Variants in SNX32 observed in about 807,000 individuals in gnomAD.
The protein encoded by SNX32 is sorting nexin-32.
SNX32 carries 58 observed loss-of-function variants against 57.0 expected under a neutral mutation model. That is an observed-to-expected ratio of 1.02 (90% CI 0.82 to 1.27). SNX32 has a LOEUF of 1.27. SNX32 is among the 50% of genes most tolerant of loss of function. The probability of loss-of-function intolerance (pLI) is 0.00; values close to 1 mark genes in which losing one functional copy is unlikely to be tolerated. For missense variants in SNX32, 589 were observed against 541.2 expected (o/e 1.09, Z -0.88); for synonymous variants, 262 against 220.4 (o/e 1.19, Z -1.67).
chr11:65,839,419 C>A (rs1288138406), intron 1 of SNX32, among the ~76,000 whole-genome samples: 2 of 146,958 alleles, frequency 1.4e-5, no homozygotes, highest in Non-Finnish European at 1.5e-5. Flanking sequence ...TTAGTAGAGA[C>A]GGGGTTTCAC....
rs1168171365 is a variant in SNX32 at position 65,852,667 on chromosome 11, A to C, written c.950A>C (p.Tyr317Ser). ...CGGCGGCTGCGGGCACTGGCCGACTACGAGAATGCCAACAAGGCGCTGGAC... is the reference window on the plus strand; with the variant it reads ...CGGCGGCTGCGGGCACTGGCCGACTCCGAGAATGCCAACAAGGCGCTGGAC... ...LYRRLRALAD[Y>S]ENANKALDKA... Residue 317 changes from tyrosine to serine, a missense_variant, in exon 11 of 13, where the codon TAC becomes TCC. By Grantham distance (144) the Tyr-to-Ser change is moderately radical. Transcript: ENST00000308342. 1 of 1,599,482 alleles carries C rather than the reference A, an allele frequency of 6.3e-7. No homozygotes were observed. Among genetic ancestry groups the C allele is most frequent in the Admixed American group, 1.7e-5 (1 of 57,780 alleles).
chr11:65,842,269 G>C, intron 1 of SNX32, among the ~76,000 whole-genome samples: 1 of 152,146 alleles, frequency 6.6e-6, no homozygotes, highest in East Asian at 1.9e-4. Flanking sequence ...ATAGCAAAAG[G>C]AAAATCTTTA....
rs755185237 is a variant in SNX32 at position 65,839,223 on chromosome 11, G to GTT, written c.36+5123_36+5124insTT. 2.0e-3 allele frequency among the ~76,000 whole-genome samples: 46 copies of GTT among 23,058 alleles called. 8 individuals carry two copies. The highest frequency in any genetic ancestry group is 2.8e-3 in the Non-Finnish European group (39 of 14,064). 15.1% of individuals were successfully genotyped at this position (23,058 alleles called of 152,430 possible). On this transcript the variant is annotated intron_variant, in intron 1 of 12. Coordinates refer to ENST00000308342, the MANE Select transcript of SNX32 (RefSeq NM_152760.3). ...CCCACCACGCCCAGCTAATTTTTTT[G>GTT]TATTTTTTTTTTTTTTTTTTTTTTG...
In SNX32 at chr11:65,851,133, G is replaced by T; in HGVS notation, c.682G>T (p.Ala228Ser). ...CCGTATCCGAGATGCCTGCCTGCGG[G>T]CCGACCGCGTCATGCGCGCCCACAA... is the stretch of plus-strand genomic sequence containing the variant. The part of the protein sequence containing the change: ...HTRIRDACLR[A>S]DRVMRAHKCL... The change falls in exon 7 of 13, where the codon GCC (alanine) becomes TCC (serine). Residue 228 changes from alanine (A) to serine (S), a missense_variant. Ala to Ser is a moderately conservative substitution (Grantham distance 99). Transcript: ENST00000308342. The T allele has an allele frequency of 1.2e-6, 2 of 1,613,104 alleles. No individual in the cohort carries two copies. Among genetic ancestry groups the T allele is most frequent in the Non-Finnish European group, 1.7e-6 (2 of 1,180,006 alleles).
At chr11:65,851,206 A>G (rs1443936072) in intron 7 of SNX32, 46 bp downstream of exon 7, 14 of 1,600,112 alleles carry the variant, frequency 8.7e-6, no homozygotes, top group Non-Finnish European at 1.2e-5. Flanking sequence ...CCCTCTCCCC[A>G]GCGGTTCAAC....
At position 65,850,957 on chromosome 11, in the gene SNX32, T is replaced by G. The variant is rs564071613; in HGVS notation, c.604-98T>G. ...TGGGAAGGAAGCCACTGGTGGGGCC[T>G]GGCCTGGTTTGGAAGGAGATTTTGC... On this transcript the variant is annotated intron_variant, in intron 6 of 12. Transcript: ENST00000308342. The G allele has an allele frequency of 2.7e-6, 4 of 1,492,736 alleles. No homozygotes were observed. In the South Asian group the frequency reaches 4.5e-5, roughly 17 times the overall value. The allele number at this position is 1,492,736 out of a possible 1,614,324, so 92.5% of individuals were successfully genotyped here. A position where few individuals can be genotyped will look rare whatever the true frequency, so the allele number is the denominator to read the frequency against.
chr11:65,852,422 C>T (rs1565255266), intron 9 of SNX32, 43 bp from the exon 10 acceptor site: 5 of 1,569,132 alleles, frequency 3.2e-6, no homozygotes, highest in East Asian at 2.2e-5. Context: ...CTTAGCTGCC[C>T]CTCTGACAAG....
In SNX32 at chr11:65,852,492, G is replaced by T. The variant is rs1166923879; in HGVS notation, c.853G>T (p.Glu285Ter). 33 of 1,614,078 alleles carry T rather than the reference G, an allele frequency of 2.0e-5. No individual in the cohort carries two copies. Among genetic ancestry groups the T allele is most frequent in the African/African-American group, 2.7e-5 (2 of 74,930 alleles). Residue 285 changes from glutamate to a stop codon, truncating the protein, a stop_gained, in exon 10 of 13, where the codon GAG (glutamate) becomes TAG (stop). Transcript: ENST00000308342. LOFTEE classifies it high-confidence loss of function. ...RKLEGRVASD[E>*]DLKLSDMLRY... The stretch of plus-strand genomic sequence containing the variant: ...GCTGGAGGGCCGGGTGGCTTCCGAT[G>T]AGGACCTGAAGCTGTCAGACATGCT...
At chr11:65,843,586 A>AAAGAAT (rs1565248562) in intron 1 of SNX32, among the ~76,000 whole-genome samples, 2 of 152,198 alleles carry the variant, frequency 1.3e-5, no homozygotes, top group African/African-American at 2.4e-5. Context: ...AGAAAAAGAA[A>AAAGAAT]AAGAAAATGG....
chr11:65,837,456 G>T (rs1338904192), intron 1 of SNX32, among the ~76,000 whole-genome samples: 4 of 152,132 alleles, frequency 2.6e-5, no homozygotes, highest in African/African-American at 9.7e-5. Flanking sequence ...TGAGGTTACA[G>T]TGAGCTGTGA....
chr11:65,847,416 C>T (rs1008504666), intron 1 of SNX32, among the ~76,000 whole-genome samples: 3 of 152,030 alleles, frequency 2.0e-5, no homozygotes, highest in Admixed American at 6.6e-5. Context: ...ACGGAGGCTG[C>T]GGTGAGCTGT....
chr11:65,853,084 A>C (rs1859273761), intron 12 of SNX32, 126 bp downstream of exon 12: 5 of 1,276,192 alleles, frequency 3.9e-6, no homozygotes, highest in Non-Finnish European at 5.6e-6. Context: ...TGTGTGCATG[A>C]GAGGAGCCCC....
In SNX32 at chr11:65,850,429, A is replaced by G; in HGVS notation, c.375-2A>G. On this transcript the variant is annotated splice_acceptor_variant, in intron 4 of 12. Transcript: ENST00000308342. LOFTEE classifies it high-confidence loss of function. The stretch of plus-strand genomic sequence containing the variant: ...GCCGGTGAGCTGCTGCCACTCTCGC[A>G]GGGAGTACCTGGCCATCTTTAAGAA... 2 of 1,614,168 alleles carry G rather than the reference A, an allele frequency of 1.2e-6. No homozygotes were observed. Among genetic ancestry groups the G allele is most frequent in the Non-Finnish European group, 1.7e-6 (2 of 1,179,980 alleles).
intron 1 of SNX32, among the ~76,000 whole-genome samples, chr11:65,839,439 C>T (rs1393751332): frequency 4.8e-5 from 7 of 147,174 alleles, no homozygotes; most frequent in East Asian, 2.2e-4. Flanking sequence ...CCGTTTTAGC[C>T]GGGATGGTCT....
chr11:65,839,943 G>T (rs1001790867), intron 1 of SNX32, among the ~76,000 whole-genome samples: 3 of 151,960 alleles, frequency 2.0e-5, no homozygotes, highest in Non-Finnish European at 2.9e-5. Context: ...CGGATCACCT[G>T]AGGTCAGGAG....
chr11:65,834,173 GGTGGTGTGTGTGTGTCTGTGTGTGT>G (rs61714114), intron 1 of SNX32, 72 bp downstream of exon 1: 654,747 of 1,445,612 alleles, frequency 0.45, 156,658 homozygotes, highest in South Asian at 0.56. Context: ...CCAATCATGC[GGTGGTGTGTGTGTGTCTGTGTGTGT>G]GTGGTCTGCC....
intron 1 of SNX32, among the ~76,000 whole-genome samples, chr11:65,837,982 C>A (rs1858717712): frequency 6.6e-6 from 1 of 151,876 alleles, no homozygotes; most frequent in Non-Finnish European, 1.5e-5. Context: ...ATGGTGAAAC[C>A]CCGTCTCTAC....
At chr11:65,852,354 G>A in intron 9 of SNX32, 111 bp from the exon 10 acceptor site, 1 of 962,008 alleles carries the variant, frequency 1.0e-6, no homozygotes, top group Non-Finnish European at 1.7e-6. Flanking sequence ...GACCTGACCT[G>A]GAACAGTTAC....
At chr11:65,851,722 T>A (rs1230631677) in intron 9 of SNX32, 43 bp downstream of exon 9, 1 of 1,607,310 alleles carries the variant, frequency 6.2e-7, no homozygotes, top group Admixed American at 1.7e-5. Context: ...CTGGTGAGCT[T>A]TGCAGGGAAG....
Sources: gnomAD v4.1 joint callset for allele counts (sites outside exome capture counted in the v4.1 genomes callset) on GRCh38, gnomAD v4.1.1 for gene constraint, MANE v1.5 for transcripts, NCBI Gene and HGNC (gene_info 2026-07-23, HGNC 2026-07-21) for gene names.